CADPS2: variants seen among roughly 807,000 people sequenced by gnomAD.
The protein encoded by CADPS2 is calcium-dependent secretion activator 2.
Under a neutral mutation model 172.5 loss-of-function variants are expected in CADPS2, and 93 were observed. The ratio of observed to expected loss-of-function variants is 0.54; its 90% CI spans 0.46 to 0.64. CADPS2 has a LOEUF of 0.64. Among genes scored for constraint, CADPS2 ranks in the 30% least tolerant of loss-of-function variants. The pLI is 0.00. For synonymous variants in CADPS2, 546 were observed against 555.2 expected (o/e 0.98, Z 0.23); for missense variants, 1,420 against 1,565.9 (o/e 0.91, Z 1.57).
chr7:122,532,377 T>A (rs989413313), intron 8 of CADPS2, among the ~76,000 whole-genome samples: 1 of 152,222 alleles, frequency 6.6e-6, no homozygotes, highest in Non-Finnish European at 1.5e-5. Context: ...AACATATTAA[T>A]AAGCTAATTG....
intron 6 of CADPS2, among the ~76,000 whole-genome samples, chr7:122,589,158 G>C (rs2133135338): frequency 6.6e-6 from 1 of 152,060 alleles, no homozygotes; most frequent in African/African-American, 2.4e-5. Context: ...CCATGCTGAA[G>C]TCACTGGGAA....
rs1563947543 is a variant in CADPS2 at position 122,645,346 on chromosome 7, T to TATATACACATAC, written c.787-16019_787-16018insGTATGTGTATAT. ...ATGTACATATATACACACATGTACA[T>TATATACACATAC]GTGTGTGTATACATGTACATGTATA... is the stretch of plus-strand genomic sequence containing the variant. On this transcript the variant is annotated intron_variant, in intron 3 of 29. Coordinates refer to ENST00000449022, the MANE Select transcript of CADPS2 (RefSeq NM_017954.11). Among the ~76,000 whole-genome samples, 63 of 67,448 alleles carry TATATACACATAC rather than the reference T, an allele frequency of 9.3e-4. 5 individuals carry two copies. Among genetic ancestry groups the TATATACACATAC allele is most frequent in the Admixed American group, 8.7e-3 (56 of 6,452 alleles). The allele number at this position is 67,448 out of a possible 152,430, so 44.2% of individuals were successfully genotyped here.
Position 122,774,446 on chromosome 7 carries a change from CA to C in CADPS2, c.340-37379del, listed in dbSNP as rs1419812791. ...CAGGCTTATATTTAGCCATGAGAAC[CA>C]GAACCATTTCCAAGAAAAAGTTAGT... is the stretch of plus-strand genomic sequence containing the variant. On this transcript the variant is annotated intron_variant, in intron 1 of 29. Transcript: ENST00000449022. 7.2e-5 allele frequency among the ~76,000 whole-genome samples: 11 copies of C among 152,140 alleles called. No individual in the cohort carries two copies. In the East Asian group the frequency reaches 2.1e-3, roughly 29 times the overall value.
rs183096635 is a variant in CADPS2 at position 122,855,307 on chromosome 7, C to T, written c.339+30692G>A. Among the ~76,000 whole-genome samples, 58 of 152,324 alleles carry T rather than the reference C, an allele frequency of 3.8e-4. No homozygotes were observed. The East Asian group carries it at 6.4e-3, about 17-fold the overall frequency. ...CACTGAAAGTGAGAGGTACTATACA[C>T]ACATTAATTTATTTATCCTAATAGC... is the stretch of plus-strand genomic sequence containing the variant. On this transcript the variant is annotated intron_variant, in intron 1 of 29. Transcript: ENST00000449022.
intron 2 of CADPS2, among the ~76,000 whole-genome samples, chr7:122,726,601 T>G (rs1400455815): frequency 6.6e-6 from 1 of 151,928 alleles, no homozygotes; most frequent in Non-Finnish European, 1.5e-5. Flanking sequence ...GACAGAGGAT[T>G]AGCAAACGAC....
At chr7:122,436,278 A>G in intron 17 of CADPS2, 1 of 787,110 alleles carries the variant, frequency 1.3e-6, no homozygotes, top group Non-Finnish European at 1.8e-6. Context: ...TTGCCTGTCA[A>G]TCATGTCTCA....
chr7:122,872,433 C>A (rs1235113047), intron 1 of CADPS2, among the ~76,000 whole-genome samples: 1 of 151,992 alleles, frequency 6.6e-6, no homozygotes, highest in East Asian at 1.9e-4. Context: ...TAATATAAAA[C>A]ACGTCAAAAC....
chr7:122,319,065 A>C lies in CADPS2; in HGVS notation c.*1100T>G, dbSNP rs942060195. The C allele has an allele frequency of 6.6e-6, 1 of 152,196 alleles. No homozygotes were observed. The highest frequency in any genetic ancestry group is 1.5e-5 in the Non-Finnish European group (1 of 68,026). 9.4% of individuals were successfully genotyped at this position (152,196 alleles called of 1,614,324 possible). ...AAAATATTTTGAGAGAACCACTAAT[A>C]ATGTGAATTACTAGTTAATATTACT... is the stretch of plus-strand genomic sequence containing the variant. On this transcript the variant is annotated 3_prime_UTR_variant, in exon 30 of 30. Transcript: ENST00000449022.
chr7:122,841,130 T>C (rs1388296804), intron 1 of CADPS2, among the ~76,000 whole-genome samples: 1 of 152,226 alleles, frequency 6.6e-6, no homozygotes, highest in East Asian at 1.9e-4. Flanking sequence ...AATTCCTTTT[T>C]AGTTAATGCC....
rs564954631 is a variant in CADPS2 at position 122,738,476 on chromosome 7, A to C, written c.340-1408T>G. Among the ~76,000 whole-genome samples, 3 of 152,196 alleles carry C rather than the reference A, an allele frequency of 2.0e-5. No individual in the cohort carries two copies. The South Asian group carries it at 6.2e-4, about 32-fold the overall frequency. ...GATAAAACAACAAATTCCAAAATAC[A>C]TAAGAAACAGCAAAGGAATGATCCT... On this transcript the variant is annotated intron_variant, in intron 1 of 29. Transcript: ENST00000449022.
chr7:122,670,177 C>CATAT (rs112642504), intron 2 of CADPS2, among the ~76,000 whole-genome samples: 1,868 of 151,390 alleles, frequency 0.012, 40 homozygotes, highest in African/African-American at 0.043. Flanking sequence ...TGTCAATTGG[C>CATAT]ATATATATAT....
chr7:122,731,061 T>C (rs1588838292), intron 2 of CADPS2, among the ~76,000 whole-genome samples: 1 of 122,836 alleles, frequency 8.1e-6, no homozygotes, highest in Non-Finnish European at 1.7e-5. Context: ...GAACAGCAAA[T>C]GGTGGTGGGG....
At chr7:122,814,475 G>A (rs1800812610) in intron 1 of CADPS2, among the ~76,000 whole-genome samples, 1 of 151,982 alleles carries the variant, frequency 6.6e-6, no homozygotes, top group African/African-American at 2.4e-5. Context: ...TGAAAGCTAA[G>A]AATATCTTCA....
At chr7:122,588,920 T>C (rs2070253757) in intron 6 of CADPS2, among the ~76,000 whole-genome samples, 1 of 151,960 alleles carries the variant, frequency 6.6e-6, no homozygotes, top group Non-Finnish European at 1.5e-5. Flanking sequence ...AAAGGCCTGA[T>C]GGTATTCTCA....
At chr7:122,329,833 A>G (rs968328839) in intron 28 of CADPS2, among the ~76,000 whole-genome samples, 2 of 152,210 alleles carry the variant, frequency 1.3e-5, no homozygotes, top group Admixed American at 6.5e-5. Context: ...TCTGAATCAC[A>G]AGACCACATA....
chr7:122,573,926 A>G (rs1180714914), intron 7 of CADPS2, among the ~76,000 whole-genome samples: 1 of 152,106 alleles, frequency 6.6e-6, no homozygotes, highest in African/African-American at 2.4e-5. Context: ...AAAATAAGAA[A>G]TTTTATCTTC....
intron 14 of CADPS2, among the ~76,000 whole-genome samples, chr7:122,456,019 T>C (rs931419922): frequency 3.3e-5 from 5 of 152,252 alleles, no homozygotes; most frequent in African/African-American, 9.6e-5. Context: ...ATTTTTATTA[T>C]ATGATAGTTG....
chr7:122,425,735 AT>A (rs1006686176), intron 17 of CADPS2, among the ~76,000 whole-genome samples: 4 of 152,242 alleles, frequency 2.6e-5, no homozygotes, highest in African/African-American at 9.6e-5. Context: ...CATTGTATCC[AT>A]TTTTTTCTAA....
At chr7:122,546,052 C>G (rs1466126807) in intron 8 of CADPS2, among the ~76,000 whole-genome samples, 1 of 151,978 alleles carries the variant, frequency 6.6e-6, no homozygotes, top group Non-Finnish European at 1.5e-5. Context: ...AATGTACTAA[C>G]CTTAAGGATA....
Sources: allele counts gnomAD v4.1 joint callset (sites outside exome capture counted in the v4.1 genomes callset), GRCh38; gene constraint gnomAD v4.1.1; transcripts MANE v1.5; gene names NCBI Gene and HGNC (gene_info 2026-07-23, HGNC 2026-07-21).